CD4: variants seen among roughly 807,000 people sequenced by gnomAD.
CD4 encodes the protein T-cell surface glycoprotein CD4.
In CD4, 25 loss-of-function variants were observed where a neutral mutation model predicts 50.5. The observed-to-expected ratio is 0.49, with a 90% CI of 0.36 to 0.69. The LOEUF (loss-of-function observed/expected upper bound fraction) is 0.69. Among genes scored for constraint, CD4 ranks in the 30% least tolerant of loss-of-function variants. The pLI is 0.00. For synonymous variants in CD4, 207 were observed against 221.9 expected (o/e 0.93, Z 0.60); for missense variants, 456 against 548.5 (o/e 0.83, Z 1.68).
At chr12:6,811,496 T>C (rs1346374970) in intron 3 of CD4, among the ~76,000 whole-genome samples, 15 of 139,646 alleles carry the variant, frequency 1.1e-4, no homozygotes, top group South Asian at 4.9e-4. Context: ...TTTTTCTTTT[T>C]TTTTTTTTTT....
intron 3 of CD4, 89 bp from the exon 4 acceptor site, chr12:6,814,053 G>T: frequency 8.8e-7 from 1 of 1,139,542 alleles, no homozygotes; most frequent in Non-Finnish European, 1.3e-6. Context: ...ATTAGCAACT[G>T]ATATCAGAAG....
chr12:6,808,059 G>A (rs1458736286), intron 3 of CD4, among the ~76,000 whole-genome samples: 65 of 134,920 alleles, frequency 4.8e-4, no homozygotes, highest in Admixed American at 5.8e-4. Flanking sequence ...TAGCTTGGGC[G>A]ACAGAGTGAG....
chr12:6,792,329 G>A lies in CD4; in HGVS notation c.-68+2667G>A, dbSNP rs1366091422. 6.6e-6 allele frequency among the ~76,000 whole-genome samples: 1 copy of A among 152,150 alleles called. No homozygotes were observed. The highest frequency in any genetic ancestry group is 1.5e-5 in the Non-Finnish European group (1 of 68,030). ...AGGAACCTCAAGGCTCTGAGAAAGTGCGTGGTGTGTGTTGCCATTTTGGTC... is the reference window on the plus strand; with the variant it reads ...AGGAACCTCAAGGCTCTGAGAAAGTACGTGGTGTGTGTTGCCATTTTGGTC... On this transcript the variant is annotated intron_variant, in intron 1 of 9. Coordinates refer to ENST00000011653, the MANE Select transcript of CD4 (RefSeq NM_000616.5). This position sits in a 1 kb window ranked among gnomAD's most constrained non-coding sequence, Gnocchi z 4.1.
At chr12:6,802,650 A>G (rs1282414180) in intron 3 of CD4, among the ~76,000 whole-genome samples, 1 of 152,126 alleles carries the variant, frequency 6.6e-6, no homozygotes, top group Admixed American at 6.5e-5. Flanking sequence ...TATTATATAC[A>G]TAATTACGTA....
In CD4 at chr12:6,814,470, G is replaced by T. The variant is rs1489021520; in HGVS notation, c.373+170G>T. On this transcript the variant is annotated intron_variant, in intron 4 of 9. Transcript: ENST00000011653. ...TAAAACCCTTCTTGATCAGGTGAGG[G>T]ATGCTGGTGGGCGGAGGAGGGAAGA... is the stretch of plus-strand genomic sequence containing the variant. 1.3e-5 allele frequency: 9 copies of T among 710,952 alleles called. No homozygotes were observed. The Admixed American group carries it at 2.0e-4, about 16-fold the overall frequency. 44.0% of individuals were successfully genotyped at this position (710,952 alleles called of 1,614,324 possible). A position where few individuals can be genotyped will look rare whatever the true frequency, so the allele number is the denominator to read the frequency against.
At chr12:6,811,423 A>T (rs530458855) in intron 3 of CD4, among the ~76,000 whole-genome samples, 5 of 151,996 alleles carry the variant, frequency 3.3e-5, no homozygotes, top group Non-Finnish European at 7.4e-5. Flanking sequence ...ATAGCATTGC[A>T]TAGCGAAATA....
At position 6,818,982 on chromosome 12, in the gene CD4, G is replaced by A. The variant is rs1233428054; in HGVS notation, c.1346+68G>A. 5 of 632,810 alleles carry A rather than the reference G, an allele frequency of 7.9e-6. No individual in the cohort carries two copies. The highest frequency in any genetic ancestry group is 5.7e-5 in the African/African-American group (3 of 52,440). 39.2% of individuals were successfully genotyped at this position (632,810 alleles called of 1,614,324 possible). On this transcript the variant is annotated intron_variant, in intron 9 of 9. Coordinates refer to ENST00000011653, the MANE Select transcript of CD4 (RefSeq NM_000616.5). This position sits in a 1 kb window ranked among gnomAD's most constrained non-coding sequence, Gnocchi z 5.0. ...GGGGGAGGGAGTTAGAGAGGAGGGG[G>A]AGGAAGGGGAGCAAAGGGGGGCAGG...
chr12:6,814,921 G>A lies in CD4; in HGVS notation c.536G>A (p.Ser179Asn), dbSNP rs1209335387. Residue 179 changes from serine (S) to asparagine (N), a missense_variant, in exon 5 of 10, where the codon AGT becomes AAT. Coordinates refer to ENST00000011653, the MANE Select transcript of CD4 (RefSeq NM_000616.5). ...LSVSQLELQD[S>N]GTWTCTVLQN... ...GTGTCTCAGCTGGAGCTCCAGGATAGTGGCACCTGGACATGCACTGTCTTG... is the reference window on the plus strand; with the variant it reads ...GTGTCTCAGCTGGAGCTCCAGGATAATGGCACCTGGACATGCACTGTCTTG... The A allele has an allele frequency of 2.5e-6, 4 of 1,613,524 alleles. No homozygotes were observed. The African/African-American group carries it at 5.3e-5, about 22-fold the overall frequency.
At position 6,820,350 on chromosome 12, in the gene CD4, A is replaced by G. The variant is rs201242948; in HGVS notation, c.*1021A>G. The G allele has an allele frequency of 1.3e-5, 2 of 152,286 alleles. No homozygotes were observed. Among genetic ancestry groups the G allele is most frequent in the South Asian group, 4.1e-4 (2 of 4,836 alleles). The allele number at this position is 152,286 out of a possible 1,614,324, so 9.4% of individuals were successfully genotyped here. A position where few individuals can be genotyped will look rare whatever the true frequency, so the allele number is the denominator to read the frequency against. On this transcript the variant is annotated 3_prime_UTR_variant, in exon 10 of 10. Transcript: ENST00000011653. ...CCTTTGGCTCTTCTAATCAGAGCGC[A>G]AGCTGGGAGCACAGGCACTGCAGGA...
intron 1 of CD4, among the ~76,000 whole-genome samples, chr12:6,796,396 G>A (rs906327999): frequency 3.9e-5 from 6 of 152,194 alleles, no homozygotes; most frequent in African/African-American, 1.4e-4. Context: ...GAGTAAGTCT[G>A]GAGGCAAGAT....
chr12:6,819,031 G>C lies in CD4; in HGVS notation c.1346+117G>C, dbSNP rs1460977985. 2.1e-5 allele frequency: 16 copies of C among 745,752 alleles called. No homozygotes were observed. The African/African-American group carries it at 2.7e-4, about 13-fold the overall frequency. The allele number at this position is 745,752 out of a possible 1,614,324, so 46.2% of individuals were successfully genotyped here. A position where few individuals can be genotyped will look rare whatever the true frequency, so the allele number is the denominator to read the frequency against. On this transcript the variant is annotated intron_variant, in intron 9 of 9. Transcript: ENST00000011653. ...GGAAGGGAGGATGGAGAGGAGGAAG[G>C]AGTTGAGGAGGAAGAGCTGGGAGGG...
intron 3 of CD4, among the ~76,000 whole-genome samples, chr12:6,812,405 T>A (rs1395235776): frequency 6.6e-6 from 1 of 151,768 alleles, no homozygotes; most frequent in Non-Finnish European, 1.5e-5. Context: ...GCAGGCTGGG[T>A]GTGGTGGCTC....
Position 6,817,055 on chromosome 12 carries a change from C to G in CD4, c.956-75C>G, listed in dbSNP as rs192549632. ...CTGCTCTAAAAGGCTAAAAGAAGGTCACCCATATAGAGTATCATTTTAATT... is the reference window on the plus strand; with the variant it reads ...CTGCTCTAAAAGGCTAAAAGAAGGTGACCCATATAGAGTATCATTTTAATT... On this transcript the variant is annotated intron_variant, in intron 6 of 9. Transcript: ENST00000011653. 8 of 1,284,906 alleles carry G rather than the reference C, an allele frequency of 6.2e-6. No individual in the cohort carries two copies. In the Admixed American group the frequency reaches 1.5e-4, roughly 24 times the overall value. 79.6% of individuals were successfully genotyped at this position (1,284,906 alleles called of 1,614,324 possible).
intron 1 of CD4, among the ~76,000 whole-genome samples, chr12:6,793,690 AT>A (rs1942252585): frequency 1.2e-5 from 1 of 83,178 alleles, no homozygotes; most frequent in Non-Finnish European, 2.3e-5. Context: ...CTATCTATCT[AT>A]CTATCTATCT....
At chr12:6,817,524 C>T (rs1943112654) in intron 7 of CD4, among the ~76,000 whole-genome samples, 194 bp downstream of exon 7, 1 of 152,080 alleles carries the variant, frequency 6.6e-6, no homozygotes. Context: ...GGGTTGTGGT[C>T]CTGGGCTCTA....
chr12:6,807,988 G>A (rs1174279318), intron 3 of CD4, among the ~76,000 whole-genome samples: 5 of 150,352 alleles, frequency 3.3e-5, no homozygotes, highest in African/African-American at 1.2e-4. Flanking sequence ...GCTGAGGCAG[G>A]AGAATTGCTT....
At chr12:6,794,339 T>G (rs1942296781) in intron 1 of CD4, among the ~76,000 whole-genome samples, 1 of 151,364 alleles carries the variant, frequency 6.6e-6, no homozygotes, top group African/African-American at 2.4e-5. Context: ...AGTGCTGGGA[T>G]TACAGGCGTG....
intron 1 of CD4, among the ~76,000 whole-genome samples, chr12:6,795,075 T>C (rs538009608): frequency 6.6e-6 from 1 of 151,040 alleles, no homozygotes; most frequent in Non-Finnish European, 1.5e-5. Flanking sequence ...TGTGAGCCAC[T>C]GTGTCTGTCC....
At chr12:6,807,886 G>A (rs1331152896) in intron 3 of CD4, among the ~76,000 whole-genome samples, 1 of 151,904 alleles carries the variant, frequency 6.6e-6, no homozygotes, top group Non-Finnish European at 1.5e-5. Flanking sequence ...TTCGAGACCA[G>A]CCTGGCCAAC....
Sources: gnomAD v4.1 joint callset for allele counts (sites outside exome capture counted in the v4.1 genomes callset) on GRCh38, gnomAD v4.1.1 for gene constraint, Gnocchi (gnomAD v3.1) non-coding constraint, MANE v1.5 for transcripts, NCBI Gene and HGNC (gene_info 2026-07-23, HGNC 2026-07-21) for gene names.